Variants in CAAP1 observed in about 807,000 individuals in gnomAD.
CAAP1 encodes the protein conserved anti-apoptotic protein.
Under a neutral mutation model 34.0 loss-of-function variants are expected in CAAP1, and 20 were observed. The observed-to-expected ratio is 0.59, with a 90% CI of 0.41 to 0.86. The LOEUF (loss-of-function observed/expected upper bound fraction) is 0.86, where lower values mean the gene tolerates loss of function less well. Among genes scored for constraint, CAAP1 ranks in the 40% least tolerant of loss-of-function variants. The pLI, the probability that CAAP1 is intolerant of heterozygous loss-of-function variation, is 0.00. For synonymous variants in CAAP1, 213 were observed against 166.7 expected, an observed-to-expected ratio of 1.28 and a Z score of -2.14; for missense variants, 538 against 450.5, an observed-to-expected ratio of 1.19 and a Z score of -1.76.
At chr9:26,859,402 A>G (rs923889884) in intron 5 of CAAP1, among the ~76,000 whole-genome samples, 12 of 152,218 alleles carry the variant, frequency 7.9e-5, no homozygotes, top group African/African-American at 2.9e-4. Flanking sequence ...ACAAGGTAAC[A>G]TTGGCTAATT....
intron 1 of CAAP1, chr9:26,892,205 A>G: frequency 7.3e-7 from 1 of 1,362,586 alleles, no homozygotes; most frequent in Non-Finnish European, 9.7e-7. Context: ...TGATCAGGAA[A>G]TCCAGAAACT....
At chr9:26,854,799 T>A (rs1009481974) in intron 5 of CAAP1, among the ~76,000 whole-genome samples, 1 of 152,184 alleles carries the variant, frequency 6.6e-6, no homozygotes, top group African/African-American at 2.4e-5. Flanking sequence ...TGAAAGATGT[T>A]CAACATCACA....
chr9:26,847,198 A>ATTTTTTTTTTTTTTTT lies in CAAP1; in HGVS notation c.740-4567_740-4552dup, dbSNP rs1171628621. Among the ~76,000 whole-genome samples, 46 of 34,750 alleles carry ATTTTTTTTTTTTTTTT rather than the reference A, an allele frequency of 1.3e-3. 14 individuals are homozygous for ATTTTTTTTTTTTTTTT. The highest frequency in any genetic ancestry group is 1.9e-3 in the Non-Finnish European group (38 of 20,062). The allele number at this position is 34,750 out of a possible 152,430, so 22.8% of individuals were successfully genotyped here. ...TTTTTACTAGTAAGTAAAAAGCAAT[A>ATTTTTTTTTTTTTTTT]TTTTTTTTTTTTTTTTTTTTTTTTT... On this transcript the variant is annotated intron_variant, in intron 5 of 5. Coordinates refer to ENST00000333916, the MANE Select transcript of CAAP1 (RefSeq NM_024828.4).
At chr9:26,885,160 T>C (rs1421001409) in intron 3 of CAAP1, among the ~76,000 whole-genome samples, 1 of 136,896 alleles carries the variant, frequency 7.3e-6, no homozygotes, top group African/African-American at 2.7e-5. Context: ...CACTGCAACC[T>C]CCACCTCCCG....
In CAAP1 at chr9:26,889,981, T is replaced by C. The variant is rs139931190; in HGVS notation, c.303+2432A>G. Among the ~76,000 whole-genome samples, 386 of 151,008 alleles carry C rather than the reference T, an allele frequency of 2.6e-3. 6 individuals carry two copies. Among genetic ancestry groups the C allele is most frequent in the African/African-American group, 9.0e-3 (368 of 41,074 alleles). ...TATGCAATGACCTTTTCTTCACAAA[T>C]ACACTAATTTTTCATTAGAAGATGG... On this transcript the variant is annotated intron_variant, in intron 1 of 5. Transcript: ENST00000333916.
At chr9:26,858,691 G>A (rs1010525371) in intron 5 of CAAP1, among the ~76,000 whole-genome samples, 40 of 151,946 alleles carry the variant, frequency 2.6e-4, no homozygotes, top group African/African-American at 8.9e-4. Flanking sequence ...GGCGTGGTGG[G>A]GAGCGCCTGT....
At chr9:26,864,973 A>C (rs1823097453) in intron 4 of CAAP1, among the ~76,000 whole-genome samples, 1 of 152,210 alleles carries the variant, frequency 6.6e-6, no homozygotes, top group Admixed American at 6.5e-5. Context: ...TTTACAAAGG[A>C]TATGAGAACA....
At chr9:26,888,508 G>T (rs1437329326) in intron 1 of CAAP1, among the ~76,000 whole-genome samples, 3 of 152,164 alleles carry the variant, frequency 2.0e-5, no homozygotes, top group African/African-American at 7.2e-5. Flanking sequence ...GACCACAGAG[G>T]TCAGATAGTT....
intron 3 of CAAP1, among the ~76,000 whole-genome samples, chr9:26,885,833 C>A (rs1823724533): frequency 6.6e-6 from 1 of 152,082 alleles, no homozygotes; most frequent in Admixed American, 6.5e-5. Context: ...AATTTTTTTA[C>A]AGATTTTTGG....
intron 1 of CAAP1, among the ~76,000 whole-genome samples, chr9:26,890,274 G>A (rs1195431507): frequency 1.3e-5 from 2 of 151,792 alleles, no homozygotes; most frequent in Non-Finnish European, 2.9e-5. Context: ...AGGAGACTGA[G>A]CCAGGACAAT....
chr9:26,846,415 C>CAAAAAAA (rs761402354), intron 5 of CAAP1, among the ~76,000 whole-genome samples: 7 of 61,722 alleles, frequency 1.1e-4, no homozygotes, highest in East Asian at 6.1e-4. Context: ...GACTCTGTCT[C>CAAAAAAA]AAAAAAAAAA....
chr9:26,879,550 G>A (rs1823532335), intron 4 of CAAP1, among the ~76,000 whole-genome samples: 1 of 152,206 alleles, frequency 6.6e-6, no homozygotes. Flanking sequence ...TCCTGGGTAT[G>A]TCTGTGAGGG....
chr9:26,858,959 T>C (rs1672180400), intron 5 of CAAP1, among the ~76,000 whole-genome samples: 1 of 137,524 alleles, frequency 7.3e-6, no homozygotes. Flanking sequence ...TATTGCGCCA[T>C]GCACTCCAGC....
At chr9:26,850,978 T>C (rs368123751) in intron 5 of CAAP1, among the ~76,000 whole-genome samples, 245 of 152,332 alleles carry the variant, frequency 1.6e-3, no homozygotes, top group African/African-American at 5.7e-3. Context: ...CACCAGCCTG[T>C]AAACTTGACT....
rs1822462976 is a variant in CAAP1 at position 26,840,982 on chromosome 9, A to AG, written c.*1318dup. The AG allele has an allele frequency of 6.6e-6, 1 of 152,142 alleles. No individual in the cohort carries two copies. The highest frequency in any genetic ancestry group is 1.5e-5 in the Non-Finnish European group (1 of 68,018). The allele number at this position is 152,142 out of a possible 1,614,324, so 9.4% of individuals were successfully genotyped here. A position where few individuals can be genotyped will look rare whatever the true frequency, so the allele number is the denominator to read the frequency against. On this transcript the variant is annotated 3_prime_UTR_variant, in exon 6 of 6. Transcript: ENST00000333916. ...TATGCTTTATTAGAAAGATTTATGG[A>AG]GGGGGAAAAAATGGTAGAATTATTC...
chr9:26,850,407 T>C (rs1822719106), intron 5 of CAAP1, among the ~76,000 whole-genome samples: 1 of 152,224 alleles, frequency 6.6e-6, no homozygotes, highest in Non-Finnish European at 1.5e-5. Flanking sequence ...AAGTTACTTC[T>C]TTAGAAAGAA....
Position 26,892,762 on chromosome 9 carries a change from C to G in CAAP1, c.-47G>C, listed in dbSNP as rs753592798. The G allele has an allele frequency of 1.3e-6, 2 of 1,512,186 alleles. No individual in the cohort carries two copies. The highest frequency in any genetic ancestry group is 2.8e-5 in the African/African-American group (2 of 72,302). 93.7% of individuals were successfully genotyped at this position (1,512,186 alleles called of 1,614,324 possible). On this transcript the variant is annotated 5_prime_UTR_variant, in exon 1 of 6. Transcript: ENST00000333916. ...GGAGGAAAGTCCGCTGTCTCTGGTG[C>G]GACCGAAGCCCGACTCCTGCGGCCG...
intron 4 of CAAP1, among the ~76,000 whole-genome samples, chr9:26,871,788 C>T (rs189393500): frequency 1.8e-4 from 28 of 151,588 alleles, no homozygotes; most frequent in East Asian, 1.8e-3. Flanking sequence ...CTGGGCAGGG[C>T]GGCGGGTGCC....
chr9:26,883,222 A>T (rs989679708), intron 4 of CAAP1, among the ~76,000 whole-genome samples: 4 of 152,128 alleles, frequency 2.6e-5, no homozygotes, highest in African/African-American at 9.7e-5. Context: ...CTGTGTCTCC[A>T]CCCAAATCTC....
Sources: gnomAD v4.1 joint callset for allele counts (sites outside exome capture counted in the v4.1 genomes callset) on GRCh38, gnomAD v4.1.1 for gene constraint, MANE v1.5 for transcripts, NCBI Gene and HGNC (gene_info 2026-07-23, HGNC 2026-07-21) for gene names.